KIAA1217: variants seen among roughly 807,000 people sequenced by gnomAD.
The protein encoded by KIAA1217 is sickle tail protein homolog.
Under a neutral mutation model 163.9 loss-of-function variants are expected in KIAA1217, and 88 were observed. The observed-to-expected ratio is 0.54, with a 90% CI of 0.45 to 0.64. The LOEUF is 0.64. Among genes scored for constraint, KIAA1217 ranks in the 30% least tolerant of loss-of-function variants. The pLI is 0.00. For synonymous variants in KIAA1217, 903 were observed against 923.1 expected, an observed-to-expected ratio of 0.98 and a Z score of 0.39; for missense variants, 2,372 against 2,475.0, an observed-to-expected ratio of 0.96 and a Z score of 0.88.
chr10:24,012,125 A>G (rs1847260200), intron 2 of KIAA1217, among the ~76,000 whole-genome samples: 1 of 152,186 alleles, frequency 6.6e-6, no homozygotes, highest in South Asian at 2.1e-4. Context: ...GTGTATCTGT[A>G]GACAGGTGGT....
intron 3 of KIAA1217, among the ~76,000 whole-genome samples, chr10:24,408,156 G>C (rs368828976): frequency 6.6e-6 from 1 of 152,130 alleles, no homozygotes; most frequent in East Asian, 1.9e-4. Context: ...TCAGTAAATG[G>C]ATATAAAAAT....
At chr10:24,143,411 C>A (rs1217541296) in intron 2 of KIAA1217, among the ~76,000 whole-genome samples, 1 of 152,094 alleles carries the variant, frequency 6.6e-6, no homozygotes, top group Non-Finnish European at 1.5e-5. Flanking sequence ...GGATTACAGG[C>A]GTGTGCCACC....
rs535308659 is a variant in KIAA1217 at position 24,089,422 on chromosome 10, G to C, written c.-171+82048G>C. Among the ~76,000 whole-genome samples the C allele has an allele frequency of 2.4e-5, 3 of 124,960 alleles. No individual in the cohort carries two copies. The South Asian group carries it at 8.0e-4, about 33-fold the overall frequency. 82.0% of individuals were successfully genotyped at this position (124,960 alleles called of 152,430 possible). A position where few individuals can be genotyped will look rare whatever the true frequency, so the allele number is the denominator to read the frequency against. Reference sequence around the variant, plus strand: ...TAGGTTTTCTTCTAAGGTTTTTATGGTTTTAGGTCTAACATTTAAGTCTTT... The same window carrying C: ...TAGGTTTTCTTCTAAGGTTTTTATGCTTTTAGGTCTAACATTTAAGTCTTT... On this transcript the variant is annotated intron_variant, in intron 2 of 18. Transcript: ENST00000376462.
At chr10:24,292,484 G>A (rs1435758374) in intron 2 of KIAA1217, among the ~76,000 whole-genome samples, 1 of 152,142 alleles carries the variant, frequency 6.6e-6, no homozygotes, top group Non-Finnish European at 1.5e-5. Flanking sequence ...GGTTTATTCT[G>A]CACAACCATG....
intron 2 of KIAA1217, among the ~76,000 whole-genome samples, chr10:24,115,689 T>G (rs2131757116): frequency 6.6e-6 from 1 of 152,326 alleles, no homozygotes; most frequent in Admixed American, 6.5e-5. Flanking sequence ...GTTTAAGTTC[T>G]CTAAGGATGG....
chr10:24,171,794 G>A (rs1179230815), intron 2 of KIAA1217, among the ~76,000 whole-genome samples: 1 of 151,386 alleles, frequency 6.6e-6, no homozygotes, highest in Non-Finnish European at 1.5e-5. Flanking sequence ...TCTCAAAAAA[G>A]TAAATAAATA....
At chr10:24,223,095 AC>A (rs2069893996) in intron 2 of KIAA1217, among the ~76,000 whole-genome samples, 1 of 151,972 alleles carries the variant, frequency 6.6e-6, no homozygotes, top group South Asian at 2.1e-4. Flanking sequence ...CTTTACTGTG[AC>A]CTGTTTTATC....
intron 1 of KIAA1217, among the ~76,000 whole-genome samples, chr10:23,839,802 C>T (rs1838681935): frequency 6.6e-6 from 1 of 152,034 alleles, no homozygotes; most frequent in African/African-American, 2.4e-5. Context: ...GATTGATGTC[C>T]CACCACAAAT....
intron 2 of KIAA1217, among the ~76,000 whole-genome samples, chr10:24,220,754 CTTTTTTTTTTTT>C (rs58991505): frequency 2.7e-5 from 2 of 74,204 alleles, no homozygotes; most frequent in African/African-American, 1.2e-4. Flanking sequence ...GCACCCCGGC[CTTTTTTTTTTTT>C]TTTTTTTTTT....
At chr10:23,832,834 C>T (rs1428700885) in intron 1 of KIAA1217, among the ~76,000 whole-genome samples, 1 of 152,112 alleles carries the variant, frequency 6.6e-6, no homozygotes, top group Non-Finnish European at 1.5e-5. Flanking sequence ...CTTACAGTTC[C>T]ATGTGGCTGG....
At chr10:23,805,663 C>T (rs555188318) in intron 1 of KIAA1217, among the ~76,000 whole-genome samples, 12 of 152,130 alleles carry the variant, frequency 7.9e-5, no homozygotes, top group Non-Finnish European at 1.5e-5. Context: ...TAACATGTAC[C>T]ACTGAACTTA....
chr10:24,543,826 C>A lies in KIAA1217; in HGVS notation c.4556C>A (p.Thr1519Lys), dbSNP rs756174365. The change falls in exon 19 of 21, where the codon ACA (threonine) becomes AAA (lysine). Residue 1519 changes from threonine to lysine, a missense_variant. Physicochemically the swap from Thr to Lys is moderately conservative, Grantham distance 78. This residue lies in a region of KIAA1217 where 690 missense variants were observed against 677.5 expected (regional missense o/e 1.02). Transcript: ENST00000376454. ...CTTAGAACCGGACAACAGGTGGAAA[C>A]AAAGTCACAGCCACACTCCCTGGCC... ...GNLRTGQQVETKSQPHSLATE... is the reference protein window; with the variant it reads ...GNLRTGQQVEKKSQPHSLATE... The A allele has an allele frequency of 1.2e-6, 2 of 1,613,930 alleles. No homozygotes were observed. Among genetic ancestry groups the A allele is most frequent in the Non-Finnish European group, 1.7e-6 (2 of 1,179,978 alleles).
chr10:24,046,308 T>G (rs1182019501), intron 2 of KIAA1217, among the ~76,000 whole-genome samples: 4 of 152,146 alleles, frequency 2.6e-5, no homozygotes, highest in Admixed American at 6.6e-5. Flanking sequence ...AAGCACATTA[T>G]AAATACACTG....
chr10:24,257,889 G>C (rs1288191347), intron 2 of KIAA1217, among the ~76,000 whole-genome samples: 1 of 152,126 alleles, frequency 6.6e-6, no homozygotes, highest in East Asian at 1.9e-4. Context: ...TTATTTTCTG[G>C]TAAGGCCAGA....
chr10:24,409,182 G>A (rs909513203), intron 3 of KIAA1217, among the ~76,000 whole-genome samples: 1 of 152,110 alleles, frequency 6.6e-6, no homozygotes, highest in Non-Finnish European at 1.5e-5. Flanking sequence ...TCCCAAAGGG[G>A]CTTCCATTTT....
At chr10:24,263,279 G>A (rs2075895669) in intron 2 of KIAA1217, among the ~76,000 whole-genome samples, 2 of 152,230 alleles carry the variant, frequency 1.3e-5, no homozygotes, top group South Asian at 4.1e-4. Context: ...TGGTAGCTAA[G>A]GGAAGCGTCT....
At chr10:23,715,945 T>C (rs1185936261) in intron 1 of KIAA1217, among the ~76,000 whole-genome samples, 1 of 152,130 alleles carries the variant, frequency 6.6e-6, no homozygotes, top group African/African-American at 2.4e-5. Flanking sequence ...ATTGCACCAA[T>C]TTGCAAGTTA....
chr10:23,808,213 G>T (rs913778373), intron 1 of KIAA1217, among the ~76,000 whole-genome samples: 3 of 152,188 alleles, frequency 2.0e-5, no homozygotes, highest in Admixed American at 1.3e-4. Flanking sequence ...CATCACATTG[G>T]TACTCTTCCT....
rs139366017 is a variant in KIAA1217 at position 23,858,165 on chromosome 10, C to G, written c.-320-149060C>G. ...AAGGCCGGATCTTCTTTCCTTGGCT[C>G]TTCTCTGGGCTCTGACTTAATCCTG... is the stretch of plus-strand genomic sequence containing the variant. On this transcript the variant is annotated intron_variant, in intron 1 of 18. Coordinates refer to the KIAA1217 transcript ENST00000376462. 1.0e-3 allele frequency among the ~76,000 whole-genome samples: 159 copies of G among 152,166 alleles called. 1 individual carries two copies. The highest frequency in any genetic ancestry group is 3.6e-3 in the African/African-American group (150 of 41,538).
Sources: gnomAD v4.1 joint callset for allele counts (sites outside exome capture counted in the v4.1 genomes callset) on GRCh38, gnomAD v4.1.1 for gene constraint, gnomAD v4.1.1 regional missense constraint, MANE v1.5 for transcripts, NCBI Gene and HGNC (gene_info 2026-07-23, HGNC 2026-07-21) for gene names.